The following OR52E4 variants were observed in gnomAD, a reference collection of about 807,000 sequenced individuals.
OR52E4 encodes the protein olfactory receptor family 52 subfamily E member 4.
For synonymous variants in OR52E4, 169 were observed against 137.4 expected (o/e 1.23, Z -1.61); for missense variants, 444 against 383.8 (o/e 1.16, Z -1.31).
rs2134278140 is a variant in OR52E4 at position 5,885,576 on chromosome 11, T to A, written c.*345T>A. On this transcript the variant is annotated 3_prime_UTR_variant, in exon 2 of 2. Coordinates refer to ENST00000641726, the MANE Select transcript of OR52E4 (RefSeq NM_001005165.2). ...GGTAAGTTTAGATCCTGAAGGATAC[T>A]GATCAAATAAATCTCATTTTATAGA... The A allele has an allele frequency of 5.5e-6, 1 of 182,162 alleles. No individual in the cohort carries two copies. The highest frequency in any genetic ancestry group is 1.7e-4 in the South Asian group (1 of 5,794). 11.3% of individuals were successfully genotyped at this position (182,162 alleles called of 1,614,324 possible).
chr11:5,885,220 C>A lies in OR52E4; in HGVS notation c.928C>A (p.Gln310Lys), dbSNP rs552971913. ...AGAGCAAATTGTGAAAATATTTGTACAGAAAGAATAATTCTGTATTAAAGT... is the reference window on the plus strand; with the variant it reads ...AGAGCAAATTGTGAAAATATTTGTAAAGAAAGAATAATTCTGTATTAAAGT... ...IREQIVKIFVQKE is the reference protein window; with the variant it reads ...IREQIVKIFVKKE The change falls in exon 2 of 2, where the codon CAG becomes AAG. Residue 310 changes from glutamine (Q) to lysine (K), a missense_variant. Transcript: ENST00000641726. 5 of 1,587,488 alleles carry A rather than the reference C, an allele frequency of 3.1e-6. No homozygotes were observed. The South Asian group carries it at 4.6e-5, about 15-fold the overall frequency.
At chr11:5,882,484 C>T (rs1234096784) in intron 1 of OR52E4, among the ~76,000 whole-genome samples, 1 of 151,932 alleles carries the variant, frequency 6.6e-6, no homozygotes. Flanking sequence ...TACTGGCAAA[C>T]ATTATGTTCT....
Position 5,885,290 on chromosome 11 carries a change from G to A in OR52E4, c.*59G>A. 1 of 1,163,290 alleles carries A rather than the reference G, an allele frequency of 8.6e-7. No homozygotes were observed. The highest frequency in any genetic ancestry group is 1.2e-6 in the Non-Finnish European group (1 of 837,520). 72.1% of individuals were successfully genotyped at this position (1,163,290 alleles called of 1,614,324 possible). A position where few individuals can be genotyped will look rare whatever the true frequency, so the allele number is the denominator to read the frequency against. On this transcript the variant is annotated 3_prime_UTR_variant, in exon 2 of 2. Coordinates refer to ENST00000641726, the MANE Select transcript of OR52E4 (RefSeq NM_001005165.2). The stretch of plus-strand genomic sequence containing the variant: ...TACAACCCAAATTATCATCATCTGA[G>A]CTCCCTTTTTAATCTTCTGTAACAG...
rs145340701 is a variant in OR52E4 at position 5,885,105 on chromosome 11, C to T, written c.813C>T (p.His271=). Residue 271 remains histidine (H), a synonymous_variant, in exon 2 of 2, where the codon CAC becomes CAT. Coordinates refer to ENST00000641726, the MANE Select transcript of OR52E4 (RefSeq NM_001005165.2). ...ATCGTTTTGGCCAAAACATTCCCCA[C>T]TATATCCATATTCTTTTGGCTAACC... ...MTHRFGQNIP[H]YIHILLANLY... 4 of 1,613,430 alleles carry T rather than the reference C, an allele frequency of 2.5e-6. No individual in the cohort carries two copies. The highest frequency in any genetic ancestry group is 1.1e-5 in the South Asian group (1 of 91,072).
At position 5,882,502 on chromosome 11, in the gene OR52E4, AT is replaced by A. The variant is rs552150894; in HGVS notation, c.-74-1713del. Among the ~76,000 whole-genome samples, 23 of 151,082 alleles carry A rather than the reference AT, an allele frequency of 1.5e-4. No homozygotes were observed. In the South Asian group the frequency reaches 4.7e-3, roughly 31 times the overall value. ...TGGCAAACATTATGTTCTTTTTTCA[AT>A]TTTCTCTCAGCTTCTCGGGGACCAA... is the stretch of plus-strand genomic sequence containing the variant. On this transcript the variant is annotated intron_variant, in intron 1 of 1. Transcript: ENST00000641726.
At chr11:5,884,113 G>A (rs1846999778) in intron 1 of OR52E4, 106 bp from the exon 2 acceptor site, 3 of 575,102 alleles carry the variant, frequency 5.2e-6, no homozygotes, top group Admixed American at 3.2e-5. Flanking sequence ...GTGTTGAGAG[G>A]CTTCCTCGAT....
intron 1 of OR52E4, among the ~76,000 whole-genome samples, chr11:5,882,698 G>GTCTCTC (rs779364972): frequency 9.2e-6 from 1 of 109,038 alleles, no homozygotes; most frequent in Non-Finnish European, 2.1e-5. Context: ...AACCTTCTCC[G>GTCTCTC]TCTCTCTCTC....
intron 1 of OR52E4, among the ~76,000 whole-genome samples, chr11:5,884,010 T>C (rs1846998812): frequency 1.3e-5 from 2 of 152,096 alleles, no homozygotes; most frequent in Non-Finnish European, 2.9e-5. Flanking sequence ...CATTGCATTA[T>C]GAAATTTTTC....
intron 1 of OR52E4, among the ~76,000 whole-genome samples, chr11:5,883,420 T>C (rs547914327): frequency 1.2e-4 from 18 of 152,140 alleles, no homozygotes; most frequent in South Asian, 1.0e-3. Context: ...TAATAAAACA[T>C]AGAAAGTGGT....
At chr11:5,882,679 T>G (rs900055200) in intron 1 of OR52E4, among the ~76,000 whole-genome samples, 1 of 150,032 alleles carries the variant, frequency 6.7e-6, no homozygotes, top group Non-Finnish European at 1.5e-5. Flanking sequence ...TCTCTACTCC[T>G]ATCTCTCCAA....
intron 1 of OR52E4, among the ~76,000 whole-genome samples, chr11:5,882,459 G>A (rs533286109): frequency 6.6e-6 from 1 of 151,920 alleles, no homozygotes; most frequent in Non-Finnish European, 1.5e-5. Context: ...TTTCAGCCTG[G>A]CATCTTTTCC....
intron 1 of OR52E4, among the ~76,000 whole-genome samples, chr11:5,882,790 A>G (rs562954571): frequency 3.3e-5 from 5 of 151,966 alleles, no homozygotes; most frequent in African/African-American, 1.2e-4. Context: ...CCCAACTCTG[A>G]TTCAATTAAA....
At position 5,884,661 on chromosome 11, in the gene OR52E4, C is replaced by A. The variant is rs748018401; in HGVS notation, c.369C>A (p.Asp123Glu). Residue 123 changes from aspartate to glutamate, a missense_variant, in exon 2 of 2, where the codon GAC becomes GAA. Transcript: ENST00000641726. ...ETVLLVVMAY[D>E]RFVAICNPLQ... is the part of the protein sequence containing the mutation. ...TTCTGTTGGTGGTCATGGCTTATGA[C>A]CGCTTTGTTGCCATCTGCAACCCTC... is the stretch of plus-strand genomic sequence containing the variant. The A allele has an allele frequency of 1.9e-6, 3 of 1,613,440 alleles. No individual in the cohort carries two copies. The South Asian group carries it at 3.3e-5, about 18-fold the overall frequency.
At position 5,884,903 on chromosome 11, in the gene OR52E4, T is replaced by C; in HGVS notation, c.611T>C (p.Val204Ala). The change falls in exon 2 of 2, where the codon GTG (valine) becomes GCG (alanine). Residue 204 changes from valine to alanine, a missense_variant. Transcript: ENST00000641726. Reference protein sequence around the residue: ...IKINIIYGLMVISYIIVDVIL... With the variant: ...IKINIIYGLMAISYIIVDVIL... ...ATCAACATAATCTATGGGCTCATGG[T>C]GATTTCTTATATTATTGTGGATGTG... The C allele has an allele frequency of 6.2e-7, 1 of 1,613,122 alleles. No individual in the cohort carries two copies. Among genetic ancestry groups the C allele is most frequent in the Non-Finnish European group, 8.5e-7 (1 of 1,179,358 alleles).
Position 5,885,189 on chromosome 11 carries a change from G to T in OR52E4, c.897G>T (p.Gln299His), listed in dbSNP as rs963460168. 13 of 1,600,106 alleles carry T rather than the reference G, an allele frequency of 8.1e-6. No homozygotes were observed. The highest frequency in any genetic ancestry group is 2.7e-5 in the African/African-American group (2 of 74,096). The change falls in exon 2 of 2, where the codon CAG becomes CAT. Residue 299 changes from glutamine (Q) to histidine (H), a missense_variant. By Grantham distance (24) the Gln-to-His change is conservative. Transcript: ENST00000641726. The part of the protein sequence containing the change: ...NPVIYGVRTK[Q>H]IREQIVKIFV... ...TCATTTATGGAGTCAGGACCAAGCA[G>T]ATCCGAGAGCAAATTGTGAAAATAT...
intron 1 of OR52E4, among the ~76,000 whole-genome samples, chr11:5,881,179 G>T (rs1378653909): frequency 1.3e-5 from 2 of 152,064 alleles, no homozygotes; most frequent in South Asian, 2.1e-4. Context: ...TAACATATTT[G>T]GTCTGTAAAG....
Position 5,885,306 on chromosome 11 carries a change from T to G in OR52E4, c.*75T>G. Reference sequence around the variant, plus strand: ...ATCATCTGAGCTCCCTTTTTAATCTTCTGTAACAGTTGGTCATGCTTGTCA... The same window carrying G: ...ATCATCTGAGCTCCCTTTTTAATCTGCTGTAACAGTTGGTCATGCTTGTCA... On this transcript the variant is annotated 3_prime_UTR_variant, in exon 2 of 2. Coordinates refer to ENST00000641726, the MANE Select transcript of OR52E4 (RefSeq NM_001005165.2). 9.9e-7 allele frequency: 1 copy of G among 1,011,380 alleles called. No homozygotes were observed. The highest frequency in any genetic ancestry group is 2.8e-5 in the Admixed American group (1 of 35,460). 62.7% of individuals were successfully genotyped at this position (1,011,380 alleles called of 1,614,324 possible).
At position 5,886,674 on chromosome 11, in the gene OR52E4, G is replaced by A. The variant is rs188652384; in HGVS notation, c.*1443G>A. 354 of 152,168 alleles carry A rather than the reference G, an allele frequency of 2.3e-3. 1 individual carries two copies. Among genetic ancestry groups the A allele is most frequent in the African/African-American group, 8.3e-3 (344 of 41,546 alleles). 9.4% of individuals were successfully genotyped at this position (152,168 alleles called of 1,614,324 possible). A position where few individuals can be genotyped will look rare whatever the true frequency, so the allele number is the denominator to read the frequency against. On this transcript the variant is annotated 3_prime_UTR_variant, in exon 2 of 2. Coordinates refer to ENST00000641726, the MANE Select transcript of OR52E4 (RefSeq NM_001005165.2). ...AAATAGATAAAAGAGACATTGAACT[G>A]AAATTTGTGACTTATCAGGGTACTC...
chr11:5,886,861 A>C lies in OR52E4; in HGVS notation c.*1630A>C, dbSNP rs1418349668. 6.6e-6 allele frequency: 1 copy of C among 152,152 alleles called. No individual in the cohort carries two copies. Among genetic ancestry groups the C allele is most frequent in the Non-Finnish European group, 1.5e-5 (1 of 68,016 alleles). The allele number at this position is 152,152 out of a possible 1,614,324, so 9.4% of individuals were successfully genotyped here. Reference sequence around the variant, plus strand: ...ACAAGAAAAGCAACATCACCTATTCAGTATCTGTGAATCTGGACAGTTCTT... The same window carrying C: ...ACAAGAAAAGCAACATCACCTATTCCGTATCTGTGAATCTGGACAGTTCTT... On this transcript the variant is annotated 3_prime_UTR_variant, in exon 2 of 2. Coordinates refer to ENST00000641726, the MANE Select transcript of OR52E4 (RefSeq NM_001005165.2).
Sources: gnomAD v4.1 joint callset for allele counts (sites outside exome capture counted in the v4.1 genomes callset) on GRCh38, gnomAD v4.1.1 for gene constraint, MANE v1.5 for transcripts, NCBI Gene and HGNC (gene_info 2026-07-23, HGNC 2026-07-21) for gene names.